Variants in FRMD4A observed in about 807,000 individuals in gnomAD.
FRMD4A encodes the protein FERM domain-containing protein 4A.
FRMD4A carries 29 observed loss-of-function variants against 129.1 expected under a neutral mutation model. That is an observed-to-expected ratio of 0.22 (90% CI 0.17 to 0.31). The LOEUF (loss-of-function observed/expected upper bound fraction) is 0.31. FRMD4A is among the 10% of genes least tolerant of loss of function. The pLI, the probability that FRMD4A is intolerant of heterozygous loss-of-function variation, is 1.00. For synonymous variants in FRMD4A, 634 were observed against 571.6 expected (o/e 1.11, Z -1.56); for missense variants, 1,272 against 1,375.8 (o/e 0.92, Z 1.19).
intron 2 of FRMD4A, among the ~76,000 whole-genome samples, chr10:14,235,279 A>T (rs941572280): frequency 2.5e-5 from 3 of 120,236 alleles, no homozygotes; most frequent in Non-Finnish European, 3.7e-5. Context: ...CCTCCCGAGC[A>T]GCTGAGTCCC....
rs536641622 is a variant in FRMD4A, at chr10:14,257,017, T to G, written c.45+73041A>C. On this transcript the variant is annotated intron_variant, in intron 2 of 24. Transcript: ENST00000357447. ...GTAACCAGATACCATACTCCAAAAT[T>G]TACTCTAGATTTTTGAAAGTTAATT... is the stretch of plus-strand genomic sequence containing the variant. 2.0e-5 allele frequency among the ~76,000 whole-genome samples: 3 copies of G among 152,116 alleles called. No homozygotes were observed. In the South Asian group the frequency reaches 6.2e-4, roughly 32 times the overall value.
chr10:14,140,130 C>G (rs572560190), intron 2 of FRMD4A, among the ~76,000 whole-genome samples: 2 of 152,108 alleles, frequency 1.3e-5, no homozygotes, highest in African/African-American at 4.8e-5. Context: ...GGCATGATCT[C>G]GGCTCACTGC....
intron 4 of FRMD4A, among the ~76,000 whole-genome samples, chr10:13,798,925 T>C (rs1413388146): frequency 6.6e-6 from 1 of 152,192 alleles, no homozygotes; most frequent in Non-Finnish European, 1.5e-5. Flanking sequence ...ATGCTGTTCC[T>C]TCGTCCCAGT....
At chr10:13,702,105 C>T (rs1053390969) in intron 13 of FRMD4A, among the ~76,000 whole-genome samples, 3 of 152,038 alleles carry the variant, frequency 2.0e-5, no homozygotes, top group Non-Finnish European at 4.4e-5. Flanking sequence ...GGAGTCTTGC[C>T]CTGTCACCCA....
rs1349536607 is a variant in FRMD4A, at chr10:13,821,572, C to T, written c.112-10664G>A. Among the ~76,000 whole-genome samples the T allele has an allele frequency of 6.6e-6, 1 of 152,184 alleles. No individual in the cohort carries two copies. The highest frequency in any genetic ancestry group is 6.5e-5 in the Admixed American group (1 of 15,278). ...TGCCAACAACACTGCCCACCTGTCC[C>T]CGCCTGCAGCTGCTACTTCACATGA... On this transcript the variant is annotated intron_variant, in intron 3 of 24. Coordinates refer to ENST00000357447, the MANE Select transcript of FRMD4A (RefSeq NM_018027.5). The surrounding 1 kb of genome is among the most constrained non-coding windows in gnomAD (Gnocchi z 4.3).
chr10:14,230,524 G>T (rs1246372263), intron 2 of FRMD4A, among the ~76,000 whole-genome samples: 1 of 152,220 alleles, frequency 6.6e-6, no homozygotes, highest in Non-Finnish European at 1.5e-5. Context: ...TATCATTATT[G>T]TCATTTGTTT....
intron 2 of FRMD4A, among the ~76,000 whole-genome samples, chr10:14,128,620 G>T (rs2131824036): frequency 6.6e-6 from 1 of 152,218 alleles, no homozygotes; most frequent in African/African-American, 2.4e-5. Context: ...GCAAATCTAA[G>T]ATCTAAGATT....
chr10:14,194,435 C>A (rs1842412261), intron 2 of FRMD4A, among the ~76,000 whole-genome samples: 1 of 152,104 alleles, frequency 6.6e-6, no homozygotes, highest in Non-Finnish European at 1.5e-5. Context: ...ACGGTGAAAC[C>A]CCGTCTCTAC....
intron 2 of FRMD4A, among the ~76,000 whole-genome samples, chr10:14,174,857 A>T (rs1433772778): frequency 6.8e-6 from 1 of 146,712 alleles, no homozygotes; most frequent in Non-Finnish European, 1.5e-5. Context: ...GTTGAGTATT[A>T]AAAAAAAAAG....
chr10:13,678,592 G>A (rs2084200813), intron 15 of FRMD4A, among the ~76,000 whole-genome samples: 1 of 152,234 alleles, frequency 6.6e-6, no homozygotes, highest in Non-Finnish European at 1.5e-5. Flanking sequence ...TTGAACATGA[G>A]CATGTGTGCG....
intron 2 of FRMD4A, among the ~76,000 whole-genome samples, chr10:13,879,038 G>T (rs2094519287): frequency 6.6e-6 from 1 of 152,094 alleles, no homozygotes; most frequent in Non-Finnish European, 1.5e-5. Flanking sequence ...TTGTGGTGAT[G>T]GTTTCCCAGG....
chr10:13,650,893 A>T (rs1462470685), intron 24 of FRMD4A, among the ~76,000 whole-genome samples: 17 of 152,066 alleles, frequency 1.1e-4, no homozygotes, highest in Admixed American at 1.1e-3. Context: ...ATCTCCGTGA[A>T]CTCGAAAGTG....
intron 2 of FRMD4A, among the ~76,000 whole-genome samples, chr10:14,093,128 C>T (rs1203538383): frequency 6.6e-6 from 1 of 152,268 alleles, no homozygotes; most frequent in Non-Finnish European, 1.5e-5. Flanking sequence ...AATGACTGTG[C>T]CTGCCTTCCT....
At chr10:14,287,157 T>C (rs1357753397) in intron 2 of FRMD4A, among the ~76,000 whole-genome samples, 1 of 152,166 alleles carries the variant, frequency 6.6e-6, no homozygotes, top group Non-Finnish European at 1.5e-5. Context: ...CGTGATGCAT[T>C]CATGCTCTCA....
intron 2 of FRMD4A, among the ~76,000 whole-genome samples, chr10:14,250,537 T>C (rs1844402196): frequency 6.6e-6 from 1 of 152,220 alleles, no homozygotes; most frequent in Admixed American, 6.5e-5. Flanking sequence ...CTATTACAAC[T>C]GCCCAGGTAT....
At chr10:13,918,929 A>G (rs2095039764) in intron 2 of FRMD4A, among the ~76,000 whole-genome samples, 2 of 151,558 alleles carry the variant, frequency 1.3e-5, no homozygotes, top group South Asian at 2.1e-4. Flanking sequence ...CTAATTTCCT[A>G]TTTATGCCCA....
intron 2 of FRMD4A, among the ~76,000 whole-genome samples, chr10:14,156,054 T>A (rs1840580342): frequency 6.6e-6 from 1 of 152,160 alleles, no homozygotes; most frequent in South Asian, 2.1e-4. Flanking sequence ...GGAAACTTTT[T>A]CTCATGAGCT....
intron 2 of FRMD4A, among the ~76,000 whole-genome samples, chr10:14,199,902 G>C (rs1004318051): frequency 3.3e-5 from 5 of 150,456 alleles, no homozygotes; most frequent in Non-Finnish European, 7.4e-5. Context: ...TTATGTTTTT[G>C]TTGGCAAATA....
At chr10:14,004,721 G>T (rs934348021) in intron 2 of FRMD4A, among the ~76,000 whole-genome samples, 11 of 152,214 alleles carry the variant, frequency 7.2e-5, no homozygotes, top group Non-Finnish European at 1.6e-4. Flanking sequence ...GGGGTGGGCA[G>T]TGTGGATGAA....
Sources: gnomAD v4.1 joint callset for allele counts (sites outside exome capture counted in the v4.1 genomes callset) on GRCh38, gnomAD v4.1.1 for gene constraint, Gnocchi (gnomAD v3.1) non-coding constraint, MANE v1.5 for transcripts, NCBI Gene and HGNC (gene_info 2026-07-23, HGNC 2026-07-21) for gene names.